Variants in IGSF11 observed in about 807,000 individuals in gnomAD.
The protein encoded by IGSF11 is CXADR like 1.
IGSF11 carries 22 observed loss-of-function variants against 41.0 expected under a neutral mutation model. That is an observed-to-expected ratio of 0.54 (90% CI 0.38 to 0.77). IGSF11 has a LOEUF of 0.77. Ranked by LOEUF, IGSF11 falls within the 30% of genes least tolerant of loss-of-function variation. The pLI, the probability that IGSF11 is intolerant of heterozygous loss-of-function variation, is 0.00. For synonymous variants in IGSF11, 219 were observed against 201.3 expected, an observed-to-expected ratio of 1.09 and a Z score of -0.74; for missense variants, 444 against 530.8, an observed-to-expected ratio of 0.84 and a Z score of 1.61.
chr3:118,998,472 TG>T (rs11429630), intron 1 of IGSF11, among the ~76,000 whole-genome samples: 1 of 151,320 alleles, frequency 6.6e-6, no homozygotes, highest in Non-Finnish European at 1.5e-5. Context: ...CAAAATCCAT[TG>T]GGGGGGAAAA....
intron 1 of IGSF11, among the ~76,000 whole-genome samples, chr3:118,975,143 G>C (rs1242760224): frequency 2.0e-5 from 3 of 152,102 alleles, no homozygotes; most frequent in Admixed American, 6.6e-5. Flanking sequence ...TTATATTCTG[G>C]AGAAGAAATT....
intron 1 of IGSF11, among the ~76,000 whole-genome samples, chr3:119,051,723 T>C (rs1205547943): frequency 2.0e-5 from 3 of 152,178 alleles, no homozygotes; most frequent in Non-Finnish European, 4.4e-5. Flanking sequence ...GACCATATGA[T>C]AGGTCACAAA....
intron 1 of IGSF11, among the ~76,000 whole-genome samples, chr3:119,062,728 C>T (rs545486804): frequency 6.6e-6 from 1 of 152,250 alleles, no homozygotes; most frequent in African/African-American, 2.4e-5. Context: ...TTGATTGATA[C>T]TTCCAGGGTT....
chr3:118,934,219 A>T (rs1428283025), intron 1 of IGSF11, among the ~76,000 whole-genome samples: 1 of 152,146 alleles, frequency 6.6e-6, no homozygotes, highest in Non-Finnish European at 1.5e-5. Context: ...TCTTAAAAAC[A>T]ATTTTCCCTA....
intron 1 of IGSF11, among the ~76,000 whole-genome samples, chr3:119,080,069 T>C (rs1470289291): frequency 6.6e-6 from 1 of 152,182 alleles, no homozygotes; most frequent in East Asian, 1.9e-4. Flanking sequence ...AAGGGTTAGG[T>C]TAAATTGCAG....
At chr3:118,916,468 T>C (rs1941107868) in intron 4 of IGSF11, among the ~76,000 whole-genome samples, 1 of 151,768 alleles carries the variant, frequency 6.6e-6, no homozygotes, top group African/African-American at 2.4e-5. Flanking sequence ...TAGTCTCTGA[T>C]AAAACAGACT....
At chr3:118,989,341 A>G (rs1159223188) in intron 1 of IGSF11, among the ~76,000 whole-genome samples, 1 of 141,514 alleles carries the variant, frequency 7.1e-6, no homozygotes, top group Non-Finnish European at 1.5e-5. Flanking sequence ...GTAAATATAT[A>G]GAAAACCTTT....
chr3:118,977,537 T>C (rs751918244), intron 1 of IGSF11, among the ~76,000 whole-genome samples: 18 of 152,200 alleles, frequency 1.2e-4, no homozygotes, highest in Non-Finnish European at 2.2e-4. Context: ...AAATAGATCA[T>C]CCAAGAGAGA....
intron 1 of IGSF11, among the ~76,000 whole-genome samples, chr3:119,043,945 G>A (rs1941217740): frequency 6.6e-6 from 1 of 152,076 alleles, no homozygotes; most frequent in African/African-American, 2.4e-5. Context: ...CACTGAAACA[G>A]TCTACCCAAA....
intron 1 of IGSF11, among the ~76,000 whole-genome samples, chr3:119,089,924 C>T (rs1296481729): frequency 6.6e-6 from 1 of 152,138 alleles, no homozygotes. Flanking sequence ...ACTCAGGAGG[C>T]TGAGGCAGGA....
intron 1 of IGSF11, among the ~76,000 whole-genome samples, chr3:119,026,232 T>C (rs1261902986): frequency 6.6e-6 from 1 of 152,332 alleles, no homozygotes; most frequent in African/African-American, 2.4e-5. Context: ...AATGAGTTCA[T>C]TTTTTATTTT....
chr3:118,913,110 C>CA lies in IGSF11; in HGVS notation c.581-7393dup, dbSNP rs531497094. On this transcript the variant is annotated intron_variant, in intron 4 of 6. Coordinates refer to ENST00000393775, the MANE Select transcript of IGSF11 (RefSeq NM_001015887.3). Reference sequence around the variant, plus strand: ...GATCTGGAAAAATAAAAAACAAAAACAAAAAAAAAACCAGAATGCCACACA... The same window carrying CA: ...GATCTGGAAAAATAAAAAACAAAAACAAAAAAAAAAACCAGAATGCCACACA... Among the ~76,000 whole-genome samples, 510 of 142,608 alleles carry CA rather than the reference C, an allele frequency of 3.6e-3. 3 individuals carry two copies. Among genetic ancestry groups the CA allele is most frequent in the South Asian group, 8.1e-3 (36 of 4,456 alleles). The allele number at this position is 142,608 out of a possible 152,430, so 93.6% of individuals were successfully genotyped here.
intron 1 of IGSF11, among the ~76,000 whole-genome samples, chr3:119,145,391 G>A (rs527297066): frequency 6.6e-6 from 1 of 152,276 alleles, no homozygotes; most frequent in South Asian, 2.1e-4. Flanking sequence ...TGCAAAGTGG[G>A]AGGACCAAAT....
chr3:119,024,524 CCT>C, intron 1 of IGSF11, among the ~76,000 whole-genome samples: 1 of 152,058 alleles, frequency 6.6e-6, no homozygotes, highest in Admixed American at 6.5e-5. Flanking sequence ...GCAAAAACAA[CCT>C]CTCTCTTGAA....
chr3:118,970,350 T>C (rs1933246426), intron 1 of IGSF11, among the ~76,000 whole-genome samples: 1 of 152,220 alleles, frequency 6.6e-6, no homozygotes, highest in Non-Finnish European at 1.5e-5. Flanking sequence ...CTCCAATTGT[T>C]ACCACATAAA....
chr3:118,922,246 T>C (rs1196009034), intron 4 of IGSF11, among the ~76,000 whole-genome samples: 1 of 152,194 alleles, frequency 6.6e-6, no homozygotes, highest in Non-Finnish European at 1.5e-5. Flanking sequence ...GCTTTCCTTG[T>C]GCATTATGCA....
chr3:119,029,756 T>C lies in IGSF11; in HGVS notation c.52+4775A>G, dbSNP rs530439409. ...CTGTTTCCATTGTTGGGATCTTCAA[T>C]AGACTTTGGTAAATATTTAAACTTA... is the stretch of plus-strand genomic sequence containing the variant. On this transcript the variant is annotated intron_variant, in intron 1 of 6. Coordinates refer to ENST00000393775, the MANE Select transcript of IGSF11 (RefSeq NM_001015887.3). 1.8e-4 allele frequency among the ~76,000 whole-genome samples: 27 copies of C among 152,356 alleles called. No individual in the cohort carries two copies. The South Asian group carries it at 5.4e-3, about 30-fold the overall frequency.
Position 118,900,870 on chromosome 3 carries a change from G to A in IGSF11, c.*1650C>T, listed in dbSNP as rs974852164. On this transcript the variant is annotated 3_prime_UTR_variant, in exon 7 of 7. Coordinates refer to ENST00000393775, the MANE Select transcript of IGSF11 (RefSeq NM_001015887.3). ...TCAGCTTTTTATCAATACTGAAATG[G>A]TTGGCAATGGTTAGGTTCTGAGTGT... 6.6e-6 allele frequency: 1 copy of A among 152,542 alleles called. No homozygotes were observed. Among genetic ancestry groups the A allele is most frequent in the African/African-American group, 2.4e-5 (1 of 41,418 alleles). The allele number at this position is 152,542 out of a possible 1,614,324, so 9.4% of individuals were successfully genotyped here.
intron 1 of IGSF11, among the ~76,000 whole-genome samples, chr3:119,011,612 A>G (rs1168195890): frequency 6.6e-6 from 1 of 152,126 alleles, no homozygotes; most frequent in Non-Finnish European, 1.5e-5. Context: ...ACAGAAGGAG[A>G]ACCCAAAATT....
Sources: allele counts gnomAD v4.1 joint callset (sites outside exome capture counted in the v4.1 genomes callset), GRCh38; gene constraint gnomAD v4.1.1; transcripts MANE v1.5; gene names NCBI Gene and HGNC (gene_info 2026-07-23, HGNC 2026-07-21).